Variants in PRUNE2 observed in about 807,000 individuals in gnomAD.
The protein encoded by PRUNE2 is prune homolog 2 with BCH domain.
A neutral mutation model predicts 252.0 loss-of-function variants in PRUNE2; 164 were observed. The ratio of observed to expected loss-of-function variants is 0.65; its 90% CI spans 0.57 to 0.74. The LOEUF is 0.74. PRUNE2 is among the 30% of genes least tolerant of loss of function. The probability of loss-of-function intolerance (pLI) is 0.00; values close to 1 mark genes in which losing one functional copy is unlikely to be tolerated. For synonymous variants in PRUNE2, 1,292 were observed against 1,350.2 expected (o/e 0.96, Z 0.94); for missense variants, 3,495 against 3,711.0 (o/e 0.94, Z 1.51).
intron 6 of PRUNE2, among the ~76,000 whole-genome samples, chr9:76,714,046 C>T (rs952631072): frequency 2.5e-4 from 38 of 152,122 alleles, no homozygotes; most frequent in African/African-American, 8.2e-4. Context: ...TCCCTCTTGT[C>T]GCTTATAGGA....
At chr9:76,650,083 T>C (rs959084622) in intron 11 of PRUNE2, among the ~76,000 whole-genome samples, 4 of 152,094 alleles carry the variant, frequency 2.6e-5, no homozygotes, top group Non-Finnish European at 5.9e-5. Context: ...GCATATTCAC[T>C]GGGAAGCAGC....
intron 15 of PRUNE2, among the ~76,000 whole-genome samples, chr9:76,634,958 T>C (rs980547645): frequency 2.0e-5 from 3 of 152,126 alleles, no homozygotes; most frequent in African/African-American, 7.2e-5. Context: ...TTTGTATACC[T>C]TAAATAGGTC....
intron 6 of PRUNE2, among the ~76,000 whole-genome samples, chr9:76,729,473 AC>A (rs1321895390): frequency 6.6e-6 from 1 of 152,176 alleles, no homozygotes; most frequent in African/African-American, 2.4e-5. Flanking sequence ...AACAACAGCA[AC>A]AAAAAAAGCC....
rs190400693 is a variant in PRUNE2 at position 76,867,335 on chromosome 9, C to T, written c.37-13127G>A. 1.5e-4 allele frequency among the ~76,000 whole-genome samples: 22 copies of T among 151,276 alleles called. No individual in the cohort carries two copies. The East Asian group carries it at 3.9e-3, about 27-fold the overall frequency. On this transcript the variant is annotated intron_variant, in intron 1 of 18. Transcript: ENST00000376718. ...CCATGGGTACCCAACAAAGAAAAAA[C>T]GAACCGCATCAGACCACGCAAAACG...
intron 9 of PRUNE2, among the ~76,000 whole-genome samples, chr9:76,669,506 G>A (rs377210066): frequency 6.6e-6 from 1 of 152,096 alleles, no homozygotes; most frequent in Admixed American, 6.6e-5. Flanking sequence ...TTTTAGTAGA[G>A]ACAAGTTTTC....
chr9:76,616,571 G>A (rs912218491), intron 18 of PRUNE2, among the ~76,000 whole-genome samples: 3 of 152,092 alleles, frequency 2.0e-5, no homozygotes, highest in South Asian at 4.1e-4. Flanking sequence ...TGCCCATCTC[G>A]ATTATTTTTC....
intron 9 of PRUNE2, among the ~76,000 whole-genome samples, chr9:76,683,544 G>C (rs969155609): frequency 5.3e-5 from 8 of 152,134 alleles, no homozygotes; most frequent in Non-Finnish European, 1.0e-4. Context: ...TGACCTCACT[G>C]ATAAAACAGA....
intron 15 of PRUNE2, among the ~76,000 whole-genome samples, chr9:76,635,395 T>TA (rs1444967806): frequency 1.3e-5 from 2 of 152,206 alleles, no homozygotes; most frequent in Non-Finnish European, 2.9e-5. Flanking sequence ...ATCTTAAAAT[T>TA]ATTAATTAAT....
intron 6 of PRUNE2, among the ~76,000 whole-genome samples, chr9:76,793,937 G>A (rs1003214362): frequency 6.6e-6 from 1 of 152,186 alleles, no homozygotes; most frequent in Non-Finnish European, 1.5e-5. Context: ...TTTTCAAAAA[G>A]GCGTGGGCTA....
intron 2 of PRUNE2, among the ~76,000 whole-genome samples, chr9:76,853,439 A>G (rs903336209): frequency 1.1e-4 from 17 of 152,234 alleles, no homozygotes; most frequent in Non-Finnish European, 2.1e-4. Context: ...CATTATCATG[A>G]GCTCATGAAT....
intron 2 of PRUNE2, 59 bp from the exon 3 acceptor site, chr9:76,850,724 C>G: frequency 3.1e-6 from 4 of 1,280,062 alleles, no homozygotes; most frequent in South Asian, 1.2e-5. Context: ...AATACAATTA[C>G]ATTTTCTCCA....
rs549098873 is a variant in PRUNE2 at position 76,681,278 on chromosome 9, G to C, written c.8276+22059C>G. Among the ~76,000 whole-genome samples, 66 of 152,174 alleles carry C rather than the reference G, an allele frequency of 4.3e-4. 1 individual carries two copies. The highest frequency in any genetic ancestry group is 4.1e-3 in the Admixed American group (62 of 15,270). Reference sequence around the variant, plus strand: ...CAGAAAGTAGAATGGTGGTTGCCAGGGGCCGGGGAGATGGGGAAATGTTGT... The same window carrying C: ...CAGAAAGTAGAATGGTGGTTGCCAGCGGCCGGGGAGATGGGGAAATGTTGT... On this transcript the variant is annotated intron_variant, in intron 9 of 18. Transcript: ENST00000376718.
At chr9:76,740,470 T>C (rs1325618136) in intron 6 of PRUNE2, 2 of 140,758 alleles carry the variant, frequency 1.4e-5, no homozygotes, top group Non-Finnish European at 3.1e-5. Context: ...AAAAAAAGAT[T>C]TAGGCATTGA....
At chr9:76,774,401 G>A (rs1304840722) in intron 6 of PRUNE2, among the ~76,000 whole-genome samples, 2 of 149,434 alleles carry the variant, frequency 1.3e-5, no homozygotes, top group African/African-American at 2.5e-5. Context: ...GCCTCTCAAA[G>A]TGTTGGGATT....
At chr9:76,860,862 T>C (rs73653235) in intron 1 of PRUNE2, among the ~76,000 whole-genome samples, 7,084 of 152,056 alleles carry the variant, frequency 0.047, 578 homozygotes, top group African/African-American at 0.16. Context: ...AACCAGTGAG[T>C]CCCTTGACTA....
intron 6 of PRUNE2, among the ~76,000 whole-genome samples, chr9:76,790,602 C>A (rs184840909): frequency 6.6e-6 from 1 of 151,872 alleles, no homozygotes; most frequent in African/African-American, 2.4e-5. Flanking sequence ...AAATTAGGAT[C>A]GGTGCAGGAA....
Position 76,850,473 on chromosome 9 carries a change from C to T in PRUNE2, c.334G>A (p.Val112Met), listed in dbSNP as rs1204362913. 1.9e-6 allele frequency: 3 copies of T among 1,612,926 alleles called. No individual in the cohort carries two copies. Among genetic ancestry groups the T allele is most frequent in the Non-Finnish European group, 2.5e-6 (3 of 1,178,864 alleles). The stretch of plus-strand genomic sequence containing the variant: ...CACAGTGGATCTTACCTCGCCAGCA[C>T]ACTGCTGCCAACAAGTGTTATCGAT... ...KLSITLVGSS[V>M]LASEDKTLES... Residue 112 changes from valine (V) to methionine (M), a missense_variant, in exon 3 of 19, where the codon GTG (valine) becomes ATG (methionine). Transcript: ENST00000376718.
intron 16 of PRUNE2, among the ~76,000 whole-genome samples, chr9:76,625,752 A>G (rs180798690): frequency 1.3e-5 from 2 of 152,318 alleles, no homozygotes; most frequent in African/African-American, 4.8e-5. Context: ...GCCACCTGGC[A>G]ATGTGTGAGG....
intron 1 of PRUNE2, among the ~76,000 whole-genome samples, chr9:76,855,309 C>T (rs1026541678): frequency 6.6e-6 from 1 of 151,856 alleles, no homozygotes; most frequent in Non-Finnish European, 1.5e-5. Context: ...GACATATGTA[C>T]ATACTTTCCC....
Sources: allele counts gnomAD v4.1 joint callset (sites outside exome capture counted in the v4.1 genomes callset), GRCh38; gene constraint gnomAD v4.1.1; transcripts MANE v1.5; gene names NCBI Gene and HGNC (gene_info 2026-07-23, HGNC 2026-07-21).